The following CACNB2 variants were observed in gnomAD, a reference collection of about 807,000 sequenced individuals.
CACNB2 encodes calcium voltage-gated channel auxiliary subunit beta 2.
CACNB2 carries 42 observed loss-of-function variants against 73.3 expected under a neutral mutation model. The ratio of observed to expected loss-of-function variants is 0.57; its 90% CI spans 0.45 to 0.74. CACNB2 has a LOEUF of 0.74. Among genes scored for constraint, CACNB2 ranks in the 30% least tolerant of loss-of-function variants. The probability of loss-of-function intolerance (pLI) is 0.00; values close to 1 mark genes in which losing one functional copy is unlikely to be tolerated. For synonymous variants in CACNB2, 348 were observed against 310.3 expected (o/e 1.12, Z -1.28); for missense variants, 940 against 853.0 (o/e 1.10, Z -1.27).
rs897413113 is a variant in CACNB2, at chr10:18,259,585, G to A, written c.213+108610G>A. Among the ~76,000 whole-genome samples the A allele has an allele frequency of 9.9e-5, 14 of 141,196 alleles. No individual in the cohort carries two copies. In the East Asian group the frequency reaches 1.9e-3, roughly 19 times the overall value. The allele number at this position is 141,196 out of a possible 152,430, so 92.6% of individuals were successfully genotyped here. On this transcript the variant is annotated intron_variant, in intron 2 of 13. Transcript: ENST00000324631. ...CAAACAAAAAAAAAAAGTAAAAGTA[G>A]CCAGGCATGGTGGTGCACACCTGTA...
chr10:18,321,253 C>A (rs1454738662), intron 2 of CACNB2, among the ~76,000 whole-genome samples: 24 of 152,168 alleles, frequency 1.6e-4, no homozygotes, highest in Non-Finnish European at 1.9e-4. Flanking sequence ...CAACTGATGG[C>A]ATTTATTGAT....
At chr10:18,449,371 C>A (rs968662664) in intron 3 of CACNB2, among the ~76,000 whole-genome samples, 1 of 151,922 alleles carries the variant, frequency 6.6e-6, no homozygotes, top group East Asian at 1.9e-4. Flanking sequence ...GGCGACAGAG[C>A]GAGACTCCAT....
intron 3 of CACNB2, among the ~76,000 whole-genome samples, chr10:18,415,720 C>A (rs1336933729): frequency 6.6e-6 from 1 of 152,172 alleles, no homozygotes; most frequent in East Asian, 1.9e-4. Context: ...AGATTATTTT[C>A]ATTTTAAATC....
At chr10:18,419,590 A>G (rs925877712) in intron 3 of CACNB2, among the ~76,000 whole-genome samples, 13 of 152,204 alleles carry the variant, frequency 8.5e-5, no homozygotes, top group African/African-American at 7.2e-5. Flanking sequence ...CAAAAGTCCA[A>G]TAAAGGTGTA....
chr10:18,496,359 A>C (rs112040006), intron 3 of CACNB2, among the ~76,000 whole-genome samples: 1 of 152,178 alleles, frequency 6.6e-6, no homozygotes, highest in Non-Finnish European at 1.5e-5. Flanking sequence ...TAACCCAGAC[A>C]AGAGGCAGGT....
At chr10:18,307,635 T>C (rs1358710701) in intron 2 of CACNB2, among the ~76,000 whole-genome samples, 1 of 152,150 alleles carries the variant, frequency 6.6e-6, no homozygotes, top group Non-Finnish European at 1.5e-5. Context: ...ACATGTCCAA[T>C]AAATATTTGT....
intron 2 of CACNB2, chr10:18,256,518 G>A (rs2131577231): frequency 6.6e-6 from 1 of 152,324 alleles, no homozygotes; most frequent in African/African-American, 2.4e-5. Flanking sequence ...GGTAGTCCCA[G>A]CCTGAGTTCC....
Position 18,360,937 on chromosome 10 carries a change from A to G in CACNB2, c.214-40987A>G, listed in dbSNP as rs1176862414. Among the ~76,000 whole-genome samples, 5 of 152,132 alleles carry G rather than the reference A, an allele frequency of 3.3e-5. No homozygotes were observed. The East Asian group carries it at 9.6e-4, about 29-fold the overall frequency. ...TGCCTTCCTAATCATCAAAGCCAAG[A>G]GGTTTTGTCCACAATTCAAATTCCT... On this transcript the variant is annotated intron_variant, in intron 2 of 13. Transcript: ENST00000324631.
In CACNB2 at chr10:18,343,213, C is replaced by T. The variant is rs182317049; in HGVS notation, c.214-58711C>T. Among the ~76,000 whole-genome samples, 238 of 152,228 alleles carry T rather than the reference C, an allele frequency of 1.6e-3. 1 individual carries two copies. Among genetic ancestry groups the T allele is most frequent in the African/African-American group, 5.6e-3 (231 of 41,544 alleles). ...TTGAACATGGTATCTTTAATAACTGCAATTGAGTGCCATTATTCTTAGACC... is the reference window on the plus strand; with the variant it reads ...TTGAACATGGTATCTTTAATAACTGTAATTGAGTGCCATTATTCTTAGACC... On this transcript the variant is annotated intron_variant, in intron 2 of 13. Transcript: ENST00000324631.
At chr10:18,270,170 G>A (rs12357856) in intron 2 of CACNB2, among the ~76,000 whole-genome samples, 35 of 152,264 alleles carry the variant, frequency 2.3e-4, no homozygotes, top group Non-Finnish European at 3.7e-4. Context: ...CCTTCTTCAC[G>A]TGGCGGCAGG....
At chr10:18,394,999 C>T (rs1433649763) in intron 2 of CACNB2, among the ~76,000 whole-genome samples, 2 of 152,120 alleles carry the variant, frequency 1.3e-5, no homozygotes, top group Admixed American at 6.5e-5. Context: ...AATTAAGGAA[C>T]TCACACAGGC....
At chr10:18,437,524 C>G (rs953500984) in intron 3 of CACNB2, among the ~76,000 whole-genome samples, 7 of 152,302 alleles carry the variant, frequency 4.6e-5, no homozygotes, top group African/African-American at 1.7e-4. Context: ...GAGAAGATCA[C>G]AAAGGTCCTT....
chr10:18,239,045 C>A (rs1040592066), intron 2 of CACNB2, among the ~76,000 whole-genome samples: 1 of 152,034 alleles, frequency 6.6e-6, no homozygotes, highest in Non-Finnish European at 1.5e-5. Context: ...TTGCAAAAAT[C>A]TTTTCAGTGG....
At chr10:18,154,186 A>G (rs1315383019) in intron 2 of CACNB2, among the ~76,000 whole-genome samples, 2 of 152,092 alleles carry the variant, frequency 1.3e-5, no homozygotes, top group Non-Finnish European at 2.9e-5. Context: ...TAAAATATTC[A>G]GAAACACTAG....
chr10:18,156,961 T>G (rs903231884), intron 2 of CACNB2, among the ~76,000 whole-genome samples: 1 of 151,796 alleles, frequency 6.6e-6, no homozygotes, highest in Non-Finnish European at 1.5e-5. Flanking sequence ...GAGAATTGCT[T>G]GAACCCAGGA....
chr10:18,437,630 G>T (rs1436231947), intron 3 of CACNB2, among the ~76,000 whole-genome samples: 3 of 152,150 alleles, frequency 2.0e-5, no homozygotes, highest in African/African-American at 7.2e-5. Context: ...AGGAAGGCTA[G>T]AAATTTAGTT....
intron 2 of CACNB2, among the ~76,000 whole-genome samples, chr10:18,170,522 G>A (rs958563963): frequency 6.6e-6 from 1 of 152,144 alleles, no homozygotes; most frequent in South Asian, 2.1e-4. Context: ...ACTGGCATCA[G>A]AACATGCATT....
At chr10:18,424,077 A>G (rs2045472009) in intron 3 of CACNB2, among the ~76,000 whole-genome samples, 1 of 152,048 alleles carries the variant, frequency 6.6e-6, no homozygotes, top group South Asian at 2.1e-4. Context: ...ACAATTACAG[A>G]TACAGAGTGT....
intron 2 of CACNB2, among the ~76,000 whole-genome samples, chr10:18,387,510 A>G (rs941087213): frequency 2.0e-5 from 3 of 152,116 alleles, no homozygotes; most frequent in Non-Finnish European, 2.9e-5. Flanking sequence ...TCTACTGTAT[A>G]TATGTGTTGG....
Sources: allele counts gnomAD v4.1 joint callset (sites outside exome capture counted in the v4.1 genomes callset), GRCh38; gene constraint gnomAD v4.1.1; transcripts MANE v1.5; gene names NCBI Gene and HGNC (gene_info 2026-07-23, HGNC 2026-07-21).